DLGAP2: variants seen among roughly 807,000 people sequenced by gnomAD.
DLGAP2 encodes the protein disks large-associated protein 2.
Under a neutral mutation model 100.3 loss-of-function variants are expected in DLGAP2, and 26 were observed. That is an observed-to-expected ratio of 0.26 (90% confidence interval 0.19 to 0.36). DLGAP2 has a LOEUF of 0.36. Ranked by LOEUF, DLGAP2 falls within the 10% of genes least tolerant of loss-of-function variation. The pLI, the probability that DLGAP2 is intolerant of heterozygous loss-of-function variation, is 1.00. For missense variants in DLGAP2, 1,858 were observed against 1,453.2 expected (o/e 1.28, Z -4.53); for synonymous variants, 886 against 630.1 (o/e 1.41, Z -6.08).
intron 1 of DLGAP2, among the ~76,000 whole-genome samples, chr8:763,707 T>C (rs1267011815): frequency 6.6e-6 from 1 of 151,438 alleles, no homozygotes; most frequent in African/African-American, 2.4e-5. Context: ...CGGTGTGTCC[T>C]TCGTCTCAAA....
At chr8:1,194,393 C>T (rs1221247734) in intron 2 of DLGAP2, among the ~76,000 whole-genome samples, 2 of 152,102 alleles carry the variant, frequency 1.3e-5, no homozygotes, top group African/African-American at 2.4e-5. Context: ...ATAAGGGCAC[C>T]ATGCTCACCG....
intron 2 of DLGAP2, among the ~76,000 whole-genome samples, chr8:1,001,923 G>A (rs1298365941): frequency 6.6e-6 from 1 of 152,194 alleles, no homozygotes; most frequent in Admixed American, 6.5e-5. Flanking sequence ...CCCTGTTAAA[G>A]CGTGTTTGAG....
chr8:1,073,772 C>T (rs1288618182), intron 2 of DLGAP2, among the ~76,000 whole-genome samples: 1 of 152,238 alleles, frequency 6.6e-6, no homozygotes, highest in African/African-American at 2.4e-5. Context: ...CTGAGAACTG[C>T]CGTTCCTTCC....
intron 3 of DLGAP2, among the ~76,000 whole-genome samples, chr8:1,304,712 C>G (rs543697050): frequency 2.4e-4 from 36 of 152,270 alleles, no homozygotes; most frequent in African/African-American, 8.2e-4. Flanking sequence ...AGATGATCGA[C>G]AAAAGCAAGC....
chr8:1,437,972 G>T (rs1439415319), intron 3 of DLGAP2, among the ~76,000 whole-genome samples: 1 of 151,936 alleles, frequency 6.6e-6, no homozygotes, highest in Non-Finnish European at 1.5e-5. Context: ...GGCGACAAGA[G>T]CAAAACTCCA....
intron 5 of DLGAP2, among the ~76,000 whole-genome samples, chr8:1,555,564 C>G (rs572194258): frequency 6.6e-6 from 1 of 152,194 alleles, no homozygotes; most frequent in Non-Finnish European, 1.5e-5. Context: ...TCACCGAGCC[C>G]GTTCGTGTAA....
rs111922184 is a variant in DLGAP2 at position 985,032 on chromosome 8, G to A, written c.73+77066G>A. Among the ~76,000 whole-genome samples the A allele has an allele frequency of 9.3e-3, 1,422 of 152,302 alleles. 23 individuals carry two copies. Among genetic ancestry groups the A allele is most frequent in the African/African-American group, 0.033 (1,352 of 41,574 alleles). On this transcript the variant is annotated intron_variant, in intron 2 of 14. Coordinates refer to ENST00000637795, the MANE Select transcript of DLGAP2 (RefSeq NM_001346810.2). ...TCAGGCATACTTCCAAATAAATCTT[G>A]AGGGGAAAGTAAAGCAAATATTTAT... is the stretch of plus-strand genomic sequence containing the variant.
chr8:1,043,639 C>T (rs1017663178), intron 2 of DLGAP2, among the ~76,000 whole-genome samples: 1 of 152,020 alleles, frequency 6.6e-6, no homozygotes, highest in South Asian at 2.1e-4. Context: ...GAAGGGGGAA[C>T]ATGAGCTGTG....
chr8:1,412,730 C>G (rs1166444841), intron 3 of DLGAP2, among the ~76,000 whole-genome samples: 1 of 152,220 alleles, frequency 6.6e-6, no homozygotes, highest in Non-Finnish European at 1.5e-5. Flanking sequence ...GGGCACTTAG[C>G]AAGACCTCTA....
chr8:1,203,736 A>G (rs1376535005), intron 2 of DLGAP2, among the ~76,000 whole-genome samples: 1 of 152,052 alleles, frequency 6.6e-6, no homozygotes, highest in Non-Finnish European at 1.5e-5. Flanking sequence ...TGATTTCTCC[A>G]CTCTCACTTT....
intron 6 of DLGAP2, among the ~76,000 whole-genome samples, chr8:1,580,315 G>A (rs1045538511): frequency 6.6e-6 from 1 of 152,176 alleles, no homozygotes; most frequent in African/African-American, 2.4e-5. Context: ...GACCACAGAT[G>A]GGGTTCATGG....
intron 2 of DLGAP2, among the ~76,000 whole-genome samples, chr8:947,069 G>T (rs1248096510): frequency 6.6e-6 from 1 of 152,208 alleles, no homozygotes; most frequent in Non-Finnish European, 1.5e-5. Context: ...TCCCAAGAGA[G>T]ACTTTCTAGT....
At chr8:1,363,945 T>C (rs1325252516) in intron 3 of DLGAP2, among the ~76,000 whole-genome samples, 4 of 152,140 alleles carry the variant, frequency 2.6e-5, no homozygotes, top group Non-Finnish European at 5.9e-5. Context: ...AGCCAGGCTA[T>C]TGGCCATGGC....
At chr8:844,160 T>A (rs1457369059) in intron 1 of DLGAP2, among the ~76,000 whole-genome samples, 1 of 152,188 alleles carries the variant, frequency 6.6e-6, no homozygotes, top group East Asian at 1.9e-4. Flanking sequence ...AGTGAATGAG[T>A]TAGAAAGGAA....
chr8:1,247,439 C>T lies in DLGAP2; in HGVS notation c.74-11412C>T, dbSNP rs1235539929. ...GGGAGTAATGGCCCATGTTGGTGGC[C>T]GGCAAGACCTTTGAGATCAGTGTGG... is the stretch of plus-strand genomic sequence containing the variant. On this transcript the variant is annotated intron_variant, in intron 2 of 14. Transcript: ENST00000637795. Among the ~76,000 whole-genome samples, 5 of 117,530 alleles carry T rather than the reference C, an allele frequency of 4.3e-5. 1 individual carries two copies. The highest frequency in any genetic ancestry group is 5.3e-4 in the East Asian group (2 of 3,790). 77.1% of individuals were successfully genotyped at this position (117,530 alleles called of 152,430 possible). A position where few individuals can be genotyped will look rare whatever the true frequency, so the allele number is the denominator to read the frequency against.
At chr8:1,124,049 A>G (rs757390671) in intron 2 of DLGAP2, among the ~76,000 whole-genome samples, 3 of 152,122 alleles carry the variant, frequency 2.0e-5, no homozygotes, top group Non-Finnish European at 4.4e-5. Context: ...TTTTCCCTGT[A>G]TGCAGACCAA....
intron 3 of DLGAP2, among the ~76,000 whole-genome samples, chr8:1,459,981 C>T (rs138647974): frequency 3.3e-5 from 5 of 152,120 alleles, no homozygotes; most frequent in Non-Finnish European, 5.9e-5. Flanking sequence ...TTCGGGACCT[C>T]GGGTGTTTTT....
At chr8:1,680,393 C>T (rs1798915945) in intron 12 of DLGAP2, among the ~76,000 whole-genome samples, 1 of 152,206 alleles carries the variant, frequency 6.6e-6, no homozygotes. Flanking sequence ...GGCCTTGGAG[C>T]CTCGGCAGTC....
chr8:1,547,578 G>T lies in DLGAP2; in HGVS notation c.173-1048G>T, dbSNP rs144153094. Reference sequence around the variant, plus strand: ...GCAGAGACCAGGGGAGCAACAGGCCGTGGAGCTGGCAGATCCTCCTTCTCT... The same window carrying T: ...GCAGAGACCAGGGGAGCAACAGGCCTTGGAGCTGGCAGATCCTCCTTCTCT... On this transcript the variant is annotated intron_variant, in intron 4 of 14. Transcript: ENST00000637795. 1.9e-3 allele frequency among the ~76,000 whole-genome samples: 290 copies of T among 152,262 alleles called. 2 individuals are homozygous for T. Among genetic ancestry groups the T allele is most frequent in the African/African-American group, 6.5e-3 (271 of 41,554 alleles).
Sources: allele counts gnomAD v4.1 joint callset (sites outside exome capture counted in the v4.1 genomes callset), GRCh38; gene constraint gnomAD v4.1.1; transcripts MANE v1.5; gene names NCBI Gene and HGNC (gene_info 2026-07-23, HGNC 2026-07-21).